Variants in ABCB9 observed in about 807,000 individuals in gnomAD.
ABCB9 encodes the protein ABC-type oligopeptide transporter ABCB9.
In ABCB9, 36 loss-of-function variants were observed where a neutral mutation model predicts 62.0. The ratio of observed to expected loss-of-function variants is 0.58; its 90% CI spans 0.45 to 0.77. The LOEUF is 0.77. Ranked by LOEUF, ABCB9 falls within the 30% of genes least tolerant of loss-of-function variation. The probability of loss-of-function intolerance (pLI) is 0.00; values close to 1 mark genes in which losing one functional copy is unlikely to be tolerated. For missense variants in ABCB9, 943 were observed against 1,054.7 expected, an observed-to-expected ratio of 0.89 and a Z score of 1.47; for synonymous variants, 435 against 461.4, an observed-to-expected ratio of 0.94 and a Z score of 0.73.
At chr12:122,941,221 T>A (rs1345558923) in intron 7 of ABCB9, among the ~76,000 whole-genome samples, 1 of 150,664 alleles carries the variant, frequency 6.6e-6, no homozygotes, top group Non-Finnish European at 1.5e-5. Flanking sequence ...GGTGCCATCA[T>A]CCCCACAGGA....
At chr12:122,919,030 A>G (rs77329346), downstream of ABCB9, among the ~76,000 whole-genome samples, 6,083 of 152,248 alleles carry the variant, frequency 0.04, 196 homozygotes, top group East Asian at 0.17. Context: ...CATTTGCATA[A>G]TGCTTCTAAG....
chr12:122,923,535 C>T (rs1484381764), intron 11 of ABCB9, among the ~76,000 whole-genome samples: 4 of 152,020 alleles, frequency 2.6e-5, no homozygotes, highest in South Asian at 2.1e-4. Flanking sequence ...GTGATCCGCC[C>T]GCCTTGGCCT....
Position 122,972,037 on chromosome 12 carries a change from C to CTTTTTTTTTTTTTTTTTTTTTTTT in ABCB9, c.-88+2677_-88+2678insAAAAAAAAAAAAAAAAAAAAAAAA, listed in dbSNP as rs57112984. 4.0e-5 allele frequency among the ~76,000 whole-genome samples: 4 copies of CTTTTTTTTTTTTTTTTTTTTTTTT among 99,270 alleles called. 1 individual carries two copies. Among genetic ancestry groups the CTTTTTTTTTTTTTTTTTTTTTTTT allele is most frequent in the African/African-American group, 4.1e-5 (1 of 24,452 alleles). 65.1% of individuals were successfully genotyped at this position (99,270 alleles called of 152,430 possible). ...TTCATAGCAGCTTCATTCATAATGT[C>CTTTTTTTTTTTTTTTTTTTTTTTT]TTTTTTTTTTTTTTTTTTTTTTGTT... On this transcript the variant is annotated intron_variant, in intron 1 of 11. Transcript: ENST00000392439.
chr12:122,943,937 G>A (rs951693268), intron 7 of ABCB9, among the ~76,000 whole-genome samples: 1 of 151,466 alleles, frequency 6.6e-6, no homozygotes, highest in Admixed American at 6.6e-5. Flanking sequence ...CACCATACTC[G>A]GCTTGCCTAT....
At chr12:122,928,856 C>T, downstream of ABCB9, 1 of 252,778 alleles carries the variant, frequency 4.0e-6, no homozygotes, top group Non-Finnish European at 6.3e-6. Context: ...AGATGGGGCT[C>T]CCAGACACAG....
chr12:122,966,206 A>G (rs1164234272), intron 1 of ABCB9, 81 bp downstream of exon 1: 8 of 152,118 alleles, frequency 5.3e-5, no homozygotes, highest in Admixed American at 3.3e-4. Context: ...GGGTGCCCAG[A>G]CGCCCCCCAA....
intron 9 of ABCB9, chr12:122,939,524 A>G (rs11060853): frequency 0.34 from 51,709 of 152,366 alleles, 10,809 homozygotes; most frequent in East Asian, 0.67. Context: ...CTGGAGTGCC[A>G]GAATGTTCTA....
downstream of ABCB9, among the ~76,000 whole-genome samples, chr12:122,927,617 G>T (rs1390033067): frequency 6.6e-6 from 1 of 152,206 alleles, no homozygotes; most frequent in Non-Finnish European, 1.5e-5. Context: ...AGAGGGAGAA[G>T]AATCTGGAAT....
At position 122,942,756 on chromosome 12, in the gene ABCB9, A is replaced by G. The variant is rs372564744; in HGVS notation, c.1380+1635T>C. Among the ~76,000 whole-genome samples, 21 of 152,272 alleles carry G rather than the reference A, an allele frequency of 1.4e-4. 1 individual carries two copies. The South Asian group carries it at 3.5e-3, about 26-fold the overall frequency. ...GAGGTCAAGGCTGCAGTGAGTCATG[A>G]AAGCACCACTGCACCCCAGCCTGGG... is the stretch of plus-strand genomic sequence containing the variant. On this transcript the variant is annotated intron_variant, in intron 7 of 11. Coordinates refer to ENST00000280560, the MANE Select transcript of ABCB9 (RefSeq NM_019625.4).
In ABCB9 at chr12:122,947,084, T is replaced by G. The variant is rs1361540728; in HGVS notation, c.1054-862A>C. Among the ~76,000 whole-genome samples, 4 of 152,178 alleles carry G rather than the reference T, an allele frequency of 2.6e-5. No individual in the cohort carries two copies. The East Asian group carries it at 7.7e-4, about 29-fold the overall frequency. ...TGGCTACACACAACACATTCAGGCA[T>G]GGGGTGGAAAACCCAAACAGAGCCT... On this transcript the variant is annotated intron_variant, in intron 5 of 11. Transcript: ENST00000280560. This position sits in a 1 kb window ranked among gnomAD's most constrained non-coding sequence, Gnocchi z 6.0.
Position 122,959,824 on chromosome 12 carries a change from A to C in ABCB9, c.412T>G (p.Ser138Ala), listed in dbSNP as rs763209296. 1 of 1,612,888 alleles carries C rather than the reference A, an allele frequency of 6.2e-7. No individual in the cohort carries two copies. The highest frequency in any genetic ancestry group is 8.5e-7 in the Non-Finnish European group (1 of 1,179,764). Residue 138 changes from serine to alanine, a missense_variant, in exon 2 of 12, where the codon TCC becomes GCC. Physicochemically the swap from Ser to Ala is moderately conservative, Grantham distance 99. Coordinates refer to ENST00000280560, the MANE Select transcript of ABCB9 (RefSeq NM_019625.4). This position sits in a 1 kb window ranked among gnomAD's most constrained non-coding sequence, Gnocchi z 5.4. Reference sequence around the variant, plus strand: ...GCCTGGGTGCCTGGCCGCACGGTGGACAGCAGCCACCAGAGCAGGAAGGAT... The same window carrying C: ...GCCTGGGTGCCTGGCCGCACGGTGGCCAGCAGCCACCAGAGCAGGAAGGAT... ...GASFLLWWLL[S>A]TVRPGTQALE...
intron 7 of ABCB9, among the ~76,000 whole-genome samples, chr12:122,943,497 G>A (rs980810100): frequency 1.3e-5 from 2 of 152,164 alleles, no homozygotes; most frequent in East Asian, 1.9e-4. Context: ...TGTGATGGAC[G>A]AGTCACTCCA....
downstream of ABCB9, among the ~76,000 whole-genome samples, chr12:122,927,305 G>C (rs2135740928): frequency 1.3e-5 from 2 of 152,192 alleles, no homozygotes; most frequent in Middle Eastern, 6.8e-3. Context: ...CCGAGTAGCT[G>C]GGACTACAGG....
intron 2 of ABCB9, chr12:122,951,801 G>A (rs373744456): frequency 1.3e-5 from 2 of 152,170 alleles, no homozygotes; most frequent in African/African-American, 4.8e-5. Context: ...AGAGGCTGAG[G>A]AATTTACTCC....
rs1212387437 is a variant in ABCB9 at position 122,940,417 on chromosome 12, C to A, written c.1570-133G>T. 2.9e-6 allele frequency: 3 copies of A among 1,044,046 alleles called. No individual in the cohort carries two copies. Among genetic ancestry groups the A allele is most frequent in the African/African-American group, 1.6e-5 (1 of 62,418 alleles). The allele number at this position is 1,044,046 out of a possible 1,614,324, so 64.7% of individuals were successfully genotyped here. A position where few individuals can be genotyped will look rare whatever the true frequency, so the allele number is the denominator to read the frequency against. On this transcript the variant is annotated intron_variant, in intron 8 of 11. Coordinates refer to ENST00000280560, the MANE Select transcript of ABCB9 (RefSeq NM_019625.4). The surrounding 1 kb of genome is among the most constrained non-coding windows in gnomAD (Gnocchi z 4.8). ...CTCTCCCTCGCTTGGGCACTGCTGGCCCCTAAACGTTCTTTCTAAGACACT... is the reference window on the plus strand; with the variant it reads ...CTCTCCCTCGCTTGGGCACTGCTGGACCCTAAACGTTCTTTCTAAGACACT...
chr12:122,969,793 A>G (rs1359145539), upstream of ABCB9, among the ~76,000 whole-genome samples: 1 of 152,156 alleles, frequency 6.6e-6, no homozygotes, highest in Non-Finnish European at 1.5e-5. Flanking sequence ...AGGAAATGCA[A>G]ATTAAAACAG....
chr12:122,950,691 G>T, intron 2 of ABCB9, 126 bp from the exon 3 acceptor site: 1 of 741,558 alleles, frequency 1.3e-6, no homozygotes, highest in Non-Finnish European at 2.2e-6. Context: ...TCCTCCCTCG[G>T]CAAACTCTTG....
chr12:122,954,529 G>A (rs549759783), intron 2 of ABCB9, among the ~76,000 whole-genome samples: 47 of 151,854 alleles, frequency 3.1e-4, no homozygotes, highest in African/African-American at 1.1e-3. Flanking sequence ...GTCTCATTCC[G>A]TCACCCAGGC....
At chr12:122,931,794 C>A (rs771600272) in intron 11 of ABCB9, 1 of 216,970 alleles carries the variant, frequency 4.6e-6, no homozygotes, top group Non-Finnish European at 9.4e-6. Context: ...TAGGCATGTG[C>A]TACCACACCT....
Sources: allele counts gnomAD v4.1 joint callset (sites outside exome capture counted in the v4.1 genomes callset), GRCh38; gene constraint gnomAD v4.1.1; non-coding constraint Gnocchi (gnomAD v3.1); transcripts MANE v1.5; gene names NCBI Gene and HGNC (gene_info 2026-07-23, HGNC 2026-07-21).